Variants in DKK3 observed in about 807,000 individuals in gnomAD.
DKK3 encodes the protein dickkopf-related protein 3.
DKK3 carries 22 observed loss-of-function variants against 33.2 expected under a neutral mutation model. The observed-to-expected ratio is 0.66, with a 90% CI of 0.47 to 0.95. DKK3 has a LOEUF of 0.95. DKK3 is among the 40% of genes least tolerant of loss of function. DKK3 has a pLI of 0.00. For missense variants in DKK3, 398 were observed against 458.4 expected (o/e 0.87, Z 1.20); for synonymous variants, 194 against 188.8 (o/e 1.03, Z -0.23).
rs990100783 is a variant in DKK3 at position 12,008,266 on chromosome 11, C to A, written c.213+104G>T. On this transcript the variant is annotated intron_variant, in intron 1 of 6. Coordinates refer to ENST00000683431, the MANE Select transcript of DKK3 (RefSeq NM_001018057.2). This position sits in a 1 kb window ranked among gnomAD's most constrained non-coding sequence, Gnocchi z 4.6. ...TGCTGTCGGCCCTTCCCAGGCCCTG[C>A]GCGGGACCCGAGGTCCCTGGCCAGC... 46 of 1,419,658 alleles carry A rather than the reference C, an allele frequency of 3.2e-5. No homozygotes were observed. Among genetic ancestry groups the A allele is most frequent in the Non-Finnish European group, 3.8e-5 (41 of 1,068,734 alleles). The allele number at this position is 1,419,658 out of a possible 1,614,324, so 87.9% of individuals were successfully genotyped here.
At chr11:11,966,911 C>A (rs202022761) in intron 5 of DKK3, 43 bp downstream of exon 5, 13 of 1,604,266 alleles carry the variant, frequency 8.1e-6, no homozygotes, top group Middle Eastern at 1.7e-4. Context: ...TGTGGTGGAG[C>A]TTGGGACAGG....
intron 3 of DKK3, among the ~76,000 whole-genome samples, chr11:11,977,354 G>C (rs78478999): frequency 6.6e-6 from 1 of 151,458 alleles, no homozygotes; most frequent in African/African-American, 2.4e-5. Flanking sequence ...TCTCTTTGTC[G>C]GTCCCTGGAA....
upstream of DKK3, chr11:12,009,415 G>A (rs916656760): frequency 3.6e-6 from 3 of 828,918 alleles, no homozygotes; most frequent in African/African-American, 3.4e-5. Flanking sequence ...CCCGCCCCGC[G>A]GAGGGGCCGC....
intron 3 of DKK3, among the ~76,000 whole-genome samples, chr11:11,985,106 G>A (rs950516152): frequency 2.0e-5 from 3 of 152,148 alleles, no homozygotes; most frequent in Non-Finnish European, 2.9e-5. Context: ...CTCCAAGGAG[G>A]AGGCCATGTG....
chr11:11,998,771 G>C lies in DKK3; in HGVS notation c.360C>G (p.Asn120Lys). The C allele has an allele frequency of 3.1e-6, 5 of 1,613,888 alleles. No homozygotes were observed. In the East Asian group the frequency reaches 1.1e-4, roughly 36 times the overall value. The change falls in exon 3 of 7, where the codon AAC becomes AAG. Residue 120 changes from asparagine to lysine, a missense_variant. Physicochemically the swap from Asn to Lys is moderately conservative, Grantham distance 94. Coordinates refer to ENST00000683431, the MANE Select transcript of DKK3 (RefSeq NM_001018057.2). Reference sequence around the variant, plus strand: ...AAAAGACCATTTGTCCAGTCTGGTTGTTGGTTATCTACAGTAAAACAGGTA... The same window carrying C: ...AAAAGACCATTTGTCCAGTCTGGTTCTTGGTTATCTACAGTAAAACAGGTA... ...HVHREIHKIT[N>K]NQTGQMVFSE...
At chr11:11,966,310 G>T (rs566253681) in intron 5 of DKK3, among the ~76,000 whole-genome samples, 1 of 152,150 alleles carries the variant, frequency 6.6e-6, no homozygotes, top group African/African-American at 2.4e-5. Flanking sequence ...TGTCAGGGCC[G>T]GTGAAATTCC....
rs941796123 is a variant in DKK3, at chr11:11,991,982, T to C, written c.435+6714A>G. Among the ~76,000 whole-genome samples, 18 of 151,898 alleles carry C rather than the reference T, an allele frequency of 1.2e-4. 1 individual carries two copies. Among genetic ancestry groups the C allele is most frequent in the African/African-American group, 3.9e-4 (16 of 41,276 alleles). On this transcript the variant is annotated intron_variant, in intron 3 of 6. Coordinates refer to ENST00000683431, the MANE Select transcript of DKK3 (RefSeq NM_001018057.2). ...CATCCATATTGTAATGACTTGTTTA[T>C]TTTTTTTGTCCACTATAGCCTGGAT...
chr11:11,976,978 A>G (rs1413991652), intron 3 of DKK3, among the ~76,000 whole-genome samples: 2 of 152,126 alleles, frequency 1.3e-5, no homozygotes, highest in African/African-American at 4.8e-5. Context: ...AACCTCACTG[A>G]GGGGCTCTAG....
upstream of DKK3, chr11:12,009,705 A>G (rs987713860): frequency 1.0e-4 from 99 of 985,566 alleles, no homozygotes; most frequent in Non-Finnish European, 1.1e-4. Flanking sequence ...CCAGCCTGGC[A>G]TTCAAGCCAT....
At chr11:11,996,574 C>T (rs965047700) in intron 3 of DKK3, among the ~76,000 whole-genome samples, 3 of 152,204 alleles carry the variant, frequency 2.0e-5, no homozygotes, top group African/African-American at 2.4e-5. Flanking sequence ...GTGGGATCGT[C>T]CAGACACTGG....
Position 11,991,153 on chromosome 11 carries a change from C to T in DKK3, c.435+7543G>A, listed in dbSNP as rs138671400. 5.8e-3 allele frequency among the ~76,000 whole-genome samples: 878 copies of T among 152,314 alleles called. 5 individuals carry two copies. Among genetic ancestry groups the T allele is most frequent in the African/African-American group, 0.02 (844 of 41,568 alleles). ...GGATCTCAAGCTCAGAGAACCCAAA[C>T]CTTTGATAATGGACTGCAAGCAAAC... On this transcript the variant is annotated intron_variant, in intron 3 of 6. Coordinates refer to ENST00000683431, the MANE Select transcript of DKK3 (RefSeq NM_001018057.2).
intron 3 of DKK3, among the ~76,000 whole-genome samples, chr11:11,973,323 T>G (rs1552797): frequency 0.35 from 53,727 of 152,024 alleles, 11,610 homozygotes; most frequent in Admixed American, 0.54. Context: ...GAGATCACCA[T>G]TTCTCTCTCC....
At position 12,008,499 on chromosome 11, in the gene DKK3, G is replaced by T; in HGVS notation, c.84C>A (p.Thr28=). Reference sequence around the variant, plus strand: ...CCGGGCCGGGCTTGACTGGAGCCGAGGTCGCCGTCGGAGCGGGCGCGGGGG... The same window carrying T: ...CCGGGCCGGGCTTGACTGGAGCCGATGTCGCCGTCGGAGCGGGCGCGGGGG... The part of the protein sequence containing the change: ...PTAPAPAPTA[T]SAPVKPGPAL... Residue 28 remains threonine, a synonymous_variant, in exon 1 of 7, where the codon ACC becomes ACA. Coordinates refer to ENST00000683431, the MANE Select transcript of DKK3 (RefSeq NM_001018057.2). This position sits in a 1 kb window ranked among gnomAD's most constrained non-coding sequence, Gnocchi z 4.6. The T allele has an allele frequency of 3.1e-6, 5 of 1,596,448 alleles. No homozygotes were observed. Among genetic ancestry groups the T allele is most frequent in the Non-Finnish European group, 4.3e-6 (5 of 1,176,354 alleles).
At chr11:11,991,794 T>C (rs1269837510) in intron 3 of DKK3, among the ~76,000 whole-genome samples, 1 of 152,164 alleles carries the variant, frequency 6.6e-6, no homozygotes, top group Non-Finnish European at 1.5e-5. Flanking sequence ...TGTACTACTT[T>C]ATAGCAATGC....
intron 3 of DKK3, among the ~76,000 whole-genome samples, chr11:11,984,756 C>A (rs1848030292): frequency 6.6e-6 from 1 of 152,108 alleles, no homozygotes; most frequent in African/African-American, 2.4e-5. Flanking sequence ...CTTCCCCAGC[C>A]CCCTGGCAGG....
chr11:12,007,167 G>A (rs916058157), intron 1 of DKK3, among the ~76,000 whole-genome samples: 2 of 152,156 alleles, frequency 1.3e-5, no homozygotes, highest in Admixed American at 6.5e-5. Flanking sequence ...GAGTGGGAGG[G>A]GAAATAGCCC....
chr11:11,986,764 A>C (rs935106114), intron 3 of DKK3, among the ~76,000 whole-genome samples: 3 of 152,226 alleles, frequency 2.0e-5, no homozygotes, highest in Non-Finnish European at 2.9e-5. Context: ...GACTTGCGGA[A>C]TTTAACTTCT....
At chr11:11,993,848 G>A (rs1179601430) in intron 3 of DKK3, among the ~76,000 whole-genome samples, 1 of 152,130 alleles carries the variant, frequency 6.6e-6, no homozygotes, top group African/African-American at 2.4e-5. Flanking sequence ...GCAGAAACCA[G>A]TATCACCCCT....
chr11:11,994,676 A>C (rs563704348), intron 3 of DKK3: 2 of 152,332 alleles, frequency 1.3e-5, no homozygotes, highest in African/African-American at 4.8e-5. Context: ...GGGCGCAGGG[A>C]GAAAACAAAG....
Sources: allele counts gnomAD v4.1 joint callset (sites outside exome capture counted in the v4.1 genomes callset), GRCh38; gene constraint gnomAD v4.1.1; non-coding constraint Gnocchi (gnomAD v3.1); transcripts MANE v1.5; gene names NCBI Gene and HGNC (gene_info 2026-07-23, HGNC 2026-07-21).